STK33: variants seen among roughly 807,000 people sequenced by gnomAD.
STK33 encodes the protein serine/threonine-protein kinase 33.
A neutral mutation model predicts 58.0 loss-of-function variants in STK33; 52 were observed. The observed-to-expected ratio is 0.90, with a 90% confidence interval of 0.72 to 1.13. The LOEUF is 1.13. Among genes scored for constraint, STK33 ranks in the 50% most tolerant of loss-of-function variants. The pLI, the probability that STK33 is intolerant of heterozygous loss-of-function variation, is 0.00. For synonymous variants in STK33, 215 were observed against 200.1 expected, an observed-to-expected ratio of 1.07 and a Z score of -0.63; for missense variants, 630 against 604.2, an observed-to-expected ratio of 1.04 and a Z score of -0.45.
At chr11:8,570,016 C>T (rs916968740) in intron 1 of STK33, among the ~76,000 whole-genome samples, 1 of 151,912 alleles carries the variant, frequency 6.6e-6, no homozygotes, top group African/African-American at 2.4e-5. Context: ...AGAAAATATT[C>T]ACAATACATA....
intron 6 of STK33, 103 bp downstream of exon 6, chr11:8,473,060 A>T: frequency 1.5e-6 from 1 of 681,312 alleles, no homozygotes; most frequent in Non-Finnish European, 2.5e-6. Flanking sequence ...TCTTTTCTTT[A>T]CTTCCTTTCC....
chr11:8,478,590 TCC>T (rs1949504180), intron 2 of STK33, among the ~76,000 whole-genome samples: 1 of 152,170 alleles, frequency 6.6e-6, no homozygotes, highest in East Asian at 1.9e-4. Context: ...TACAGCAATT[TCC>T]TCAAGAAAAT....
intron 1 of STK33, among the ~76,000 whole-genome samples, chr11:8,501,740 C>T (rs1951528873): frequency 6.6e-6 from 1 of 152,182 alleles, no homozygotes; most frequent in Non-Finnish European, 1.5e-5. Flanking sequence ...CAAATGTTCA[C>T]AGCAGCATTA....
chr11:8,557,056 G>C (rs1956786663), intron 1 of STK33, among the ~76,000 whole-genome samples: 1 of 151,652 alleles, frequency 6.6e-6, no homozygotes, highest in African/African-American at 2.4e-5. Context: ...TTCAAGACCA[G>C]CCTGGGCAAC....
Position 8,433,210 on chromosome 11 carries a change from C to A in STK33, c.1146+2284G>T, listed in dbSNP as rs536266685. On this transcript the variant is annotated intron_variant, in intron 14 of 15. Transcript: ENST00000687296. ...AGAGCAACACATTCATGGAAGAGGG[C>A]AAACATAATTCATTCTTGGGTGAAG... Among the ~76,000 whole-genome samples, 3 of 151,994 alleles carry A rather than the reference C, an allele frequency of 2.0e-5. No homozygotes were observed. In the East Asian group the frequency reaches 5.8e-4, roughly 29 times the overall value.
intron 1 of STK33, among the ~76,000 whole-genome samples, chr11:8,553,195 TATGGTGTATA>T (rs1353366900): frequency 4.2e-5 from 3 of 72,246 alleles, no homozygotes; most frequent in African/African-American, 2.3e-4. Context: ...TATATATATA[TATGGTGTATA>T]TATATATATA....
intron 1 of STK33, among the ~76,000 whole-genome samples, chr11:8,512,379 A>C (rs1358316363): frequency 6.6e-6 from 1 of 152,200 alleles, no homozygotes; most frequent in Non-Finnish European, 1.5e-5. Context: ...AATCTAACAT[A>C]AAATGTGACA....
At chr11:8,438,179 G>C (rs568250879) in intron 12 of STK33, among the ~76,000 whole-genome samples, 1 of 151,990 alleles carries the variant, frequency 6.6e-6, no homozygotes, top group East Asian at 1.9e-4. Flanking sequence ...TCTGTTCTTT[G>C]CAATTTTATT....
At chr11:8,577,060 A>G (rs1958237895) in intron 1 of STK33, among the ~76,000 whole-genome samples, 2 of 152,150 alleles carry the variant, frequency 1.3e-5, no homozygotes, top group Admixed American at 1.3e-4. Context: ...AGGAAGATTC[A>G]TTTAGAAGAA....
intron 1 of STK33, among the ~76,000 whole-genome samples, chr11:8,505,307 T>C (rs534699018): frequency 5.9e-5 from 9 of 152,314 alleles, no homozygotes; most frequent in African/African-American, 1.9e-4. Context: ...ATATTTTTCA[T>C]AGATTTATTG....
chr11:8,444,478 C>G (rs1945160035), intron 11 of STK33, among the ~76,000 whole-genome samples: 1 of 151,860 alleles, frequency 6.6e-6, no homozygotes, highest in African/African-American at 2.4e-5. Flanking sequence ...TTTTTAATAC[C>G]TAGAACAATG....
intron 1 of STK33, among the ~76,000 whole-genome samples, chr11:8,586,588 C>T (rs929650301): frequency 1.3e-5 from 2 of 152,124 alleles, no homozygotes; most frequent in African/African-American, 2.4e-5. Flanking sequence ...CTTTGGGAGG[C>T]CAAGATGGGT....
At chr11:8,441,463 C>T (rs1944734062) in intron 11 of STK33, among the ~76,000 whole-genome samples, 1 of 152,014 alleles carries the variant, frequency 6.6e-6, no homozygotes, top group Admixed American at 6.6e-5. Context: ...GGTATCATCC[C>T]ACCGCAGCTT....
intron 1 of STK33, among the ~76,000 whole-genome samples, chr11:8,583,401 T>C (rs1210933932): frequency 1.3e-5 from 2 of 152,170 alleles, no homozygotes; most frequent in Non-Finnish European, 2.9e-5. Flanking sequence ...ACATTACTCA[T>C]GAGAAAGCAG....
chr11:8,511,378 G>T (rs1192590821), intron 1 of STK33, among the ~76,000 whole-genome samples: 1 of 152,092 alleles, frequency 6.6e-6, no homozygotes, highest in Middle Eastern at 3.4e-3. Flanking sequence ...AGATCTAGAA[G>T]GTTTTTGGTA....
intron 12 of STK33, among the ~76,000 whole-genome samples, 160 bp from the exon 13 acceptor site, chr11:8,436,299 G>A (rs1944060509): frequency 6.6e-6 from 1 of 152,106 alleles, no homozygotes; most frequent in African/African-American, 2.4e-5. Context: ...GAAACAACAG[G>A]GTTTTCCAAG....
At chr11:8,359,105 G>A in the STK33 span, among the ~76,000 whole-genome samples, 1 of 152,270 alleles carries the variant, frequency 6.6e-6, no homozygotes, top group South Asian at 2.1e-4. Flanking sequence ...AAGGCAATAA[G>A]GTCAGGAAAG....
chr11:8,584,585 T>C (rs1429801921), intron 1 of STK33, among the ~76,000 whole-genome samples: 6 of 152,188 alleles, frequency 3.9e-5, no homozygotes, highest in Non-Finnish European at 8.8e-5. Context: ...AGCAAGACTA[T>C]GATAATGCCA....
chr11:8,555,900 A>T (rs1028986103), intron 1 of STK33, among the ~76,000 whole-genome samples: 1 of 152,170 alleles, frequency 6.6e-6, no homozygotes, highest in African/African-American at 2.4e-5. Context: ...CAGTAAAAAT[A>T]AAAATGCCAT....
Sources: allele counts gnomAD v4.1 joint callset (sites outside exome capture counted in the v4.1 genomes callset), GRCh38; gene constraint gnomAD v4.1.1; transcripts MANE v1.5; gene names NCBI Gene and HGNC (gene_info 2026-07-23, HGNC 2026-07-21).